Variants in EEF2K observed in about 807,000 individuals in gnomAD.
EEF2K encodes the protein alternative protein EEF2K.
EEF2K carries 70 observed loss-of-function variants against 93.8 expected under a neutral mutation model. That is an observed-to-expected ratio of 0.75 (90% CI 0.62 to 0.91). The LOEUF is 0.91. EEF2K is among the 40% of genes least tolerant of loss of function. EEF2K has a pLI of 0.00. For missense variants in EEF2K, 935 were observed against 972.9 expected, an observed-to-expected ratio of 0.96 and a Z score of 0.52; for synonymous variants, 376 against 380.8, an observed-to-expected ratio of 0.99 and a Z score of 0.15.
intron 2 of EEF2K, 23 bp from the exon 3 acceptor site, chr16:22,244,607 A>G (rs961018839): frequency 4.3e-6 from 7 of 1,613,016 alleles, no homozygotes; most frequent in Middle Eastern, 1.6e-4. Flanking sequence ...TGATGTTCCT[A>G]CCTTCTCCTT....
chr16:22,226,648 T>C (rs1430352143), intron 2 of EEF2K, among the ~76,000 whole-genome samples: 6 of 152,040 alleles, frequency 3.9e-5, no homozygotes, highest in Non-Finnish European at 7.4e-5. Context: ...CCTGAGTAGC[T>C]AAGATTATAG....
chr16:22,248,101 G>A (rs2047313300), intron 3 of EEF2K, among the ~76,000 whole-genome samples: 1 of 151,754 alleles, frequency 6.6e-6, no homozygotes, highest in Admixed American at 6.6e-5. Flanking sequence ...GTCTCGCTCT[G>A]TCACCCAGGC....
chr16:22,258,569 C>T lies in EEF2K; in HGVS notation c.1105C>T (p.Arg369Trp), dbSNP rs745439125. 50 of 1,613,934 alleles carry T rather than the reference C, an allele frequency of 3.1e-5. No individual in the cohort carries two copies. Among genetic ancestry groups the T allele is most frequent in the Middle Eastern group, 3.3e-4 (2 of 6,084 alleles). ...CCAAGTAAGGACCCTCTCTGGGAGCCGGCCACCCCTGCTCCGTCCCCTTTC... is the reference window on the plus strand; with the variant it reads ...CCAAGTAAGGACCCTCTCTGGGAGCTGGCCACCCCTGCTCCGTCCCCTTTC... Reference protein sequence around the residue: ...SPQVRTLSGSRPPLLRPLSEN... With the variant: ...SPQVRTLSGSWPPLLRPLSEN... Residue 369 changes from arginine to tryptophan, a missense_variant, in exon 10 of 18, where the codon CGG (arginine) becomes TGG (tryptophan). Transcript: ENST00000263026.
In EEF2K at chr16:22,244,715, G is replaced by T. The variant is rs769482109; in HGVS notation, c.332G>T (p.Arg111Leu). 1.2e-6 allele frequency: 2 copies of T among 1,613,914 alleles called. No homozygotes were observed. Among genetic ancestry groups the T allele is most frequent in the Non-Finnish European group, 1.7e-6 (2 of 1,179,918 alleles). Residue 111 changes from arginine (R) to leucine (L), a missense_variant, in exon 3 of 18, where the codon CGT becomes CTT. Arg to Leu is a moderately radical substitution (Grantham distance 102, BLOSUM62 -2). Coordinates refer to ENST00000263026, the MANE Select transcript of EEF2K (RefSeq NM_013302.5). ...EFHLEDIATE[R>L]ATRHRYNAVT... ...CACCTGGAAGATATTGCCACCGAACGTGCTACTCGACACAGGTCAGCAGCT... is the reference window on the plus strand; with the variant it reads ...CACCTGGAAGATATTGCCACCGAACTTGCTACTCGACACAGGTCAGCAGCT...
intron 16 of EEF2K, 134 bp downstream of exon 16, chr16:22,273,884 T>C: frequency 1.5e-6 from 2 of 1,306,076 alleles, no homozygotes; most frequent in Non-Finnish European, 2.1e-6. Flanking sequence ...GGGCAACTTA[T>C]TTTACCTCCC....
In EEF2K at chr16:22,270,276, G is replaced by A. The variant is rs570777952; in HGVS notation, c.1765-3350G>A. On this transcript the variant is annotated intron_variant, in intron 15 of 17. Transcript: ENST00000263026. ...TGGTTTTACAGGCACCTGCCACCAC[G>A]CCTGGCTAATTTTTGTATTTTTTTT... 1.3e-4 allele frequency among the ~76,000 whole-genome samples: 19 copies of A among 151,848 alleles called. No individual in the cohort carries two copies. In the South Asian group the frequency reaches 2.3e-3, roughly 18 times the overall value.
intron 3 of EEF2K, among the ~76,000 whole-genome samples, chr16:22,245,839 C>T (rs2047283864): frequency 6.6e-6 from 1 of 152,114 alleles, no homozygotes; most frequent in African/African-American, 2.4e-5. Flanking sequence ...CTTCTGTGAG[C>T]TCAAAATGTG....
intron 1 of EEF2K, among the ~76,000 whole-genome samples, chr16:22,217,436 A>G (rs945854706): frequency 1.3e-5 from 2 of 152,018 alleles, no homozygotes; most frequent in African/African-American, 2.4e-5. Context: ...TAAATAATAT[A>G]CAATGGCCCA....
chr16:22,230,015 C>T (rs1463226992), intron 2 of EEF2K, among the ~76,000 whole-genome samples: 1 of 152,142 alleles, frequency 6.6e-6, no homozygotes, highest in African/African-American at 2.4e-5. Context: ...AGAAATAGCC[C>T]CGTGGGTCTC....
Position 22,256,764 on chromosome 16 carries a change from T to C in EEF2K, c.635T>C (p.Met212Thr). The C allele has an allele frequency of 6.2e-7, 1 of 1,614,030 alleles. No individual in the cohort carries two copies. The highest frequency in any genetic ancestry group is 1.1e-5 in the South Asian group (1 of 91,076). Reference protein sequence around the residue: ...KPPKQVDIMQMCIIELKDRPG... With the variant: ...KPPKQVDIMQTCIIELKDRPG... ...TCCCACCAGGTGGACATCATGCAGATGTGCATCATCGAGCTGAAGGACAGA... is the reference window on the plus strand; with the variant it reads ...TCCCACCAGGTGGACATCATGCAGACGTGCATCATCGAGCTGAAGGACAGA... Residue 212 changes from methionine to threonine, a missense_variant, in exon 7 of 18, where the codon ATG becomes ACG. Met to Thr is a moderately conservative substitution (Grantham distance 81). Coordinates refer to ENST00000263026, the MANE Select transcript of EEF2K (RefSeq NM_013302.5).
At chr16:22,256,515 G>A (rs1302839941) in intron 6 of EEF2K, among the ~76,000 whole-genome samples, 1 of 152,152 alleles carries the variant, frequency 6.6e-6, no homozygotes, top group Non-Finnish European at 1.5e-5. Context: ...GATTACAGAT[G>A]TAAGCCACCG....
intron 3 of EEF2K, among the ~76,000 whole-genome samples, chr16:22,247,178 C>T (rs759419194): frequency 9.9e-5 from 15 of 151,034 alleles, no homozygotes; most frequent in Admixed American, 2.0e-4. Context: ...CAGTGGCTAA[C>T]GCCTGTAATC....
intron 1 of EEF2K, among the ~76,000 whole-genome samples, chr16:22,225,369 T>C (rs1483994077): frequency 1.3e-5 from 2 of 152,186 alleles, no homozygotes; most frequent in African/African-American, 4.8e-5. Flanking sequence ...CTCGATCTAA[T>C]TGATGTGCTA....
chr16:22,209,576 T>C (rs1029356004), intron 1 of EEF2K, among the ~76,000 whole-genome samples: 1 of 152,200 alleles, frequency 6.6e-6, no homozygotes, highest in African/African-American at 2.4e-5. Flanking sequence ...TAGCGGCAGG[T>C]TGAACTAATT....
At chr16:22,277,961 T>C (rs1427177975) in intron 16 of EEF2K, among the ~76,000 whole-genome samples, 2 of 152,082 alleles carry the variant, frequency 1.3e-5, no homozygotes, top group South Asian at 4.1e-4. Context: ...TCCCAGCACT[T>C]TGGGAGGCTG....
In EEF2K at chr16:22,257,624, A is replaced by T. The variant is rs1052049820; in HGVS notation, c.902-19A>T. 3 of 1,610,172 alleles carry T rather than the reference A, an allele frequency of 1.9e-6. No individual in the cohort carries two copies. The highest frequency in any genetic ancestry group is 2.2e-5 in the South Asian group (2 of 90,934). On this transcript the variant is annotated intron_variant, in intron 8 of 17. Coordinates refer to ENST00000263026, the MANE Select transcript of EEF2K (RefSeq NM_013302.5). ...CACAGAGCAAAGCAACACTCCAGAC[A>T]CCCCCGCTCTGTCCACAGGTGTCCG...
At chr16:22,233,683 C>T (rs1322997493) in intron 2 of EEF2K, among the ~76,000 whole-genome samples, 1 of 152,180 alleles carries the variant, frequency 6.6e-6, no homozygotes, top group Non-Finnish European at 1.5e-5. Context: ...GACCCTCTCC[C>T]CTGCCCCCTG....
chr16:22,262,064 G>T (rs931753967), intron 11 of EEF2K, among the ~76,000 whole-genome samples: 3 of 151,220 alleles, frequency 2.0e-5, no homozygotes, highest in Non-Finnish European at 4.4e-5. Context: ...GAAGAATAAA[G>T]AAGGAAATAA....
Position 22,225,969 on chromosome 16 carries a change from C to T in EEF2K, c.240C>T (p.His80=). The T allele has an allele frequency of 6.2e-7, 1 of 1,613,794 alleles. No individual in the cohort carries two copies. Among genetic ancestry groups the T allele is most frequent in the Non-Finnish European group, 8.5e-7 (1 of 1,179,694 alleles). ...SSSGSPANSF[H]FKEAWKHAIQ... ...GCGGGTCCCCGGCAAACTCCTTCCA[C>T]TTCAAGGTGAGTGAGCCACCTATTC... The change falls in exon 2 of 18, where the codon CAC becomes CAT. Residue 80 remains histidine, a synonymous_variant. Transcript: ENST00000263026.
Sources: allele counts gnomAD v4.1 joint callset (sites outside exome capture counted in the v4.1 genomes callset), GRCh38; gene constraint gnomAD v4.1.1; transcripts MANE v1.5; gene names NCBI Gene and HGNC (gene_info 2026-07-23, HGNC 2026-07-21).